The following LYPD6 variants were observed in gnomAD, a reference collection of about 807,000 sequenced individuals.
LYPD6 encodes the protein LY6/PLAUR domain containing 6.
In LYPD6, 15 loss-of-function variants were observed where a neutral mutation model predicts 22.7. That is an observed-to-expected ratio of 0.66 (90% CI 0.44 to 1.02). The LOEUF (loss-of-function observed/expected upper bound fraction) is 1.02, where lower values mean the gene tolerates loss of function less well. Among genes scored for constraint, LYPD6 ranks in the 50% least tolerant of loss-of-function variants. The pLI, the probability that LYPD6 is intolerant of heterozygous loss-of-function variation, is 0.00. For missense variants in LYPD6, 189 were observed against 208.4 expected, an observed-to-expected ratio of 0.91 and a Z score of 0.57; for synonymous variants, 72 against 77.5, an observed-to-expected ratio of 0.93 and a Z score of 0.37.
At chr2:149,365,658 T>C (rs752323977) in intron 1 of LYPD6, among the ~76,000 whole-genome samples, 4 of 152,194 alleles carry the variant, frequency 2.6e-5, no homozygotes, top group Non-Finnish European at 5.9e-5. Flanking sequence ...GAAAAAAATT[T>C]AATTTAATTT....
Position 149,437,641 on chromosome 2 carries a change from C to G in LYPD6, c.-68C>G, listed in dbSNP as rs1419678106. On this transcript the variant is annotated 5_prime_UTR_variant, in exon 2 of 5. Transcript: ENST00000334166. ...TGATTCTTTCTTCATTTTTCAGGTG[C>G]AAGTTCTCTCCTGTTGCCCTGAGTG... 6.3e-7 allele frequency: 1 copy of G among 1,591,178 alleles called. No homozygotes were observed. Among genetic ancestry groups the G allele is most frequent in the Non-Finnish European group, 8.6e-7 (1 of 1,166,938 alleles).
At chr2:149,449,177 C>A in intron 3 of LYPD6, 30 bp downstream of exon 3, 1 of 1,523,620 alleles carries the variant, frequency 6.6e-7, no homozygotes, top group East Asian at 2.3e-5. Context: ...ATTGGGGTCC[C>A]CTGGGCTGTC....
intron 1 of LYPD6, among the ~76,000 whole-genome samples, chr2:149,353,472 G>T (rs529270021): frequency 6.6e-6 from 1 of 152,298 alleles, no homozygotes; most frequent in African/African-American, 2.4e-5. Context: ...TAGACCAGCT[G>T]CTGTGTAATT....
chr2:149,413,078 C>T (rs62190591), intron 1 of LYPD6, among the ~76,000 whole-genome samples: 41,990 of 152,070 alleles, frequency 0.28, 6,852 homozygotes, highest in African/African-American at 0.46. Flanking sequence ...CTTGTGTTTT[C>T]CCTTCTTCTT....
At chr2:149,410,203 T>C (rs943633414) in intron 1 of LYPD6, among the ~76,000 whole-genome samples, 2 of 152,230 alleles carry the variant, frequency 1.3e-5, no homozygotes, top group African/African-American at 4.8e-5. Context: ...CTTCTAATTT[T>C]TATAAAAATT....
At chr2:149,342,544 T>C (rs1011341865) in intron 1 of LYPD6, among the ~76,000 whole-genome samples, 5 of 152,236 alleles carry the variant, frequency 3.3e-5, no homozygotes, top group Non-Finnish European at 7.3e-5. Context: ...ATAGCAAATT[T>C]ACTATGTATA....
intron 1 of LYPD6, among the ~76,000 whole-genome samples, chr2:149,331,247 C>T (rs972935098): frequency 6.6e-6 from 1 of 152,218 alleles, no homozygotes; most frequent in African/African-American, 2.4e-5. Context: ...CACGCTAGGC[C>T]TTTCAGCCAT....
chr2:149,353,187 A>C (rs1681390148), intron 1 of LYPD6, among the ~76,000 whole-genome samples: 2 of 152,212 alleles, frequency 1.3e-5, no homozygotes, highest in Non-Finnish European at 2.9e-5. Context: ...CAGAGTGAAA[A>C]TGCTCGTGAA....
chr2:149,471,456 A>T lies in LYPD6; in HGVS notation c.*606A>T, dbSNP rs933076580. 7 of 152,198 alleles carry T rather than the reference A, an allele frequency of 4.6e-5. No homozygotes were observed. Among genetic ancestry groups the T allele is most frequent in the African/African-American group, 1.7e-4 (7 of 41,454 alleles). 9.4% of individuals were successfully genotyped at this position (152,198 alleles called of 1,614,324 possible). ...ATCACATTTCCTCTGTTCTGTGCAGAAGACAAAAAGGCAATCATAAAAGTT... is the reference window on the plus strand; with the variant it reads ...ATCACATTTCCTCTGTTCTGTGCAGTAGACAAAAAGGCAATCATAAAAGTT... On this transcript the variant is annotated 3_prime_UTR_variant, in exon 5 of 5. Coordinates refer to ENST00000334166, the MANE Select transcript of LYPD6 (RefSeq NM_194317.5).
intron 1 of LYPD6, among the ~76,000 whole-genome samples, chr2:149,337,389 G>A (rs1171252798): frequency 6.6e-6 from 1 of 152,000 alleles, no homozygotes; most frequent in African/African-American, 2.4e-5. Context: ...ATGACCCCTG[G>A]GCCACAAAAG....
intron 1 of LYPD6, among the ~76,000 whole-genome samples, chr2:149,342,145 A>G (rs1330800100): frequency 6.6e-6 from 1 of 152,190 alleles, no homozygotes; most frequent in East Asian, 1.9e-4. Flanking sequence ...TGAGTTGCCC[A>G]TGACCTAGGA....
intron 1 of LYPD6, among the ~76,000 whole-genome samples, chr2:149,377,673 G>A (rs1296003437): frequency 3.9e-5 from 6 of 152,056 alleles, no homozygotes; most frequent in Admixed American, 1.3e-4. Context: ...CCAGCTACTC[G>A]GGAGGCTGAG....
At position 149,399,186 on chromosome 2, in the gene LYPD6, A is replaced by T. The variant is rs181864562; in HGVS notation, c.-71-38452A>T. On this transcript the variant is annotated intron_variant, in intron 1 of 4. Coordinates refer to ENST00000334166, the MANE Select transcript of LYPD6 (RefSeq NM_194317.5). ...AGAATACAACATTTAATTTGGAATTAAAAAAAATACATCTTTTTTTTATTT... is the reference window on the plus strand; with the variant it reads ...AGAATACAACATTTAATTTGGAATTTAAAAAAATACATCTTTTTTTTATTT... 2.0e-4 allele frequency among the ~76,000 whole-genome samples: 30 copies of T among 151,728 alleles called. No individual in the cohort carries two copies. In the East Asian group the frequency reaches 4.8e-3, roughly 24 times the overall value.
chr2:149,371,677 C>T (rs1010483272), intron 1 of LYPD6, among the ~76,000 whole-genome samples: 2 of 152,154 alleles, frequency 1.3e-5, no homozygotes, highest in Non-Finnish European at 2.9e-5. Flanking sequence ...CGTCAGAACC[C>T]GTGCCTGGCA....
chr2:149,393,248 C>T (rs766299315), intron 1 of LYPD6, among the ~76,000 whole-genome samples: 4 of 152,122 alleles, frequency 2.6e-5, no homozygotes, highest in East Asian at 1.9e-4. Flanking sequence ...CAGTTTTACA[C>T]GTAAATAGAT....
At chr2:149,346,275 G>A (rs1681254590) in intron 1 of LYPD6, among the ~76,000 whole-genome samples, 1 of 152,018 alleles carries the variant, frequency 6.6e-6, no homozygotes, top group Non-Finnish European at 1.5e-5. Flanking sequence ...AATGCATAAA[G>A]TTAAAATTAT....
chr2:149,415,033 C>G (rs992872358), intron 1 of LYPD6, among the ~76,000 whole-genome samples: 6 of 152,236 alleles, frequency 3.9e-5, no homozygotes, highest in African/African-American at 1.4e-4. Flanking sequence ...GAGCTAACCT[C>G]ACTAGCCCTT....
At chr2:149,413,987 C>T (rs1490361411) in intron 1 of LYPD6, among the ~76,000 whole-genome samples, 2 of 152,204 alleles carry the variant, frequency 1.3e-5, no homozygotes, top group East Asian at 3.8e-4. Flanking sequence ...TGGCCACTTG[C>T]ATCTTTAAAA....
intron 1 of LYPD6, among the ~76,000 whole-genome samples, chr2:149,434,873 A>G (rs1344882238): frequency 1.3e-5 from 2 of 152,208 alleles, no homozygotes; most frequent in East Asian, 3.8e-4. Flanking sequence ...ATGAAACATC[A>G]TCATCACTGG....
Sources: gnomAD v4.1 joint callset for allele counts (sites outside exome capture counted in the v4.1 genomes callset) on GRCh38, gnomAD v4.1.1 for gene constraint, MANE v1.5 for transcripts, NCBI Gene and HGNC (gene_info 2026-07-23, HGNC 2026-07-21) for gene names.